The following RAB27A variants were observed in gnomAD, a reference collection of about 807,000 sequenced individuals.
RAB27A encodes the protein ras-related protein Rab-27A.
A neutral mutation model predicts 20.8 loss-of-function variants in RAB27A; 17 were observed. The ratio of observed to expected loss-of-function variants is 0.82; its 90% confidence interval spans 0.56 to 1.23. RAB27A has a LOEUF of 1.23. Ranked by LOEUF, RAB27A falls within the 50% of genes most tolerant of loss-of-function variation. The probability of loss-of-function intolerance (pLI) is 0.00; values close to 1 mark genes in which losing one functional copy is unlikely to be tolerated. For missense variants in RAB27A, 277 were observed against 266.7 expected (o/e 1.04, Z -0.27); for synonymous variants, 85 against 92.8 (o/e 0.92, Z 0.48).
chr15:55,214,401 A>C lies in RAB27A; in HGVS notation c.468-8696T>G, dbSNP rs187480610. ...CTGTGAGCCAAGATCACGCCACTGC[A>C]CTCCAGCCTGGGCGACAGAGCGAGA... is the stretch of plus-strand genomic sequence containing the variant. On this transcript the variant is annotated intron_variant, in intron 6 of 6. Coordinates refer to ENST00000336787, the MANE Select transcript of RAB27A (RefSeq NM_183235.3). 5.1e-3 allele frequency among the ~76,000 whole-genome samples: 771 copies of C among 152,254 alleles called. 2 individuals are homozygous for C. Among genetic ancestry groups the C allele is most frequent in the Non-Finnish European group, 6.7e-3 (458 of 68,008 alleles).
intron 2 of RAB27A, among the ~76,000 whole-genome samples, chr15:55,259,689 A>G (rs544718390): frequency 6.6e-6 from 1 of 152,356 alleles, no homozygotes; most frequent in African/African-American, 2.4e-5. Context: ...TTCAAGGTAT[A>G]TGTAGGGATC....
rs1477201629 is a variant in RAB27A at position 55,207,961 on chromosome 15, A to G, written c.468-2256T>C. On this transcript the variant is annotated intron_variant, in intron 6 of 6. Coordinates refer to ENST00000336787, the MANE Select transcript of RAB27A (RefSeq NM_183235.3). ...ATGAGCCACCACACCTGGCCAAAAA[A>G]CCTGAACTTTTAATTTTAACTTAAA... Among the ~76,000 whole-genome samples, 3 of 152,078 alleles carry G rather than the reference A, an allele frequency of 2.0e-5. No homozygotes were observed. In the East Asian group the frequency reaches 5.8e-4, roughly 29 times the overall value.
intron 2 of RAB27A, chr15:55,269,846 G>C (rs1290848361): frequency 6.6e-6 from 1 of 152,136 alleles, no homozygotes; most frequent in Non-Finnish European, 1.5e-5. Flanking sequence ...GGATAAGCAA[G>C]ACTCTCAGAA....
At chr15:55,228,570 G>A (rs756251011) in intron 5 of RAB27A, 39 bp downstream of exon 5, 1 of 1,411,648 alleles carries the variant, frequency 7.1e-7, no homozygotes. Flanking sequence ...AAATAAGAGG[G>A]GACTGTGTAG....
At chr15:55,251,329 T>A (rs138739959) in intron 2 of RAB27A, among the ~76,000 whole-genome samples, 55 of 152,222 alleles carry the variant, frequency 3.6e-4, no homozygotes, top group African/African-American at 1.3e-3. Context: ...ACAACCATCA[T>A]TGCGTCATTC....
At chr15:55,316,931 G>A (rs952438859) in intron 1 of RAB27A, among the ~76,000 whole-genome samples, 4 of 152,180 alleles carry the variant, frequency 2.6e-5, no homozygotes, top group African/African-American at 9.7e-5. Flanking sequence ...GGGTAACGGA[G>A]TGGATTTCTG....
At chr15:55,255,790 T>G (rs982965431) in intron 2 of RAB27A, among the ~76,000 whole-genome samples, 6 of 152,124 alleles carry the variant, frequency 3.9e-5, no homozygotes, top group African/African-American at 9.7e-5. Flanking sequence ...TGGAATGATG[T>G]ACTCATTTAC....
At chr15:55,277,909 T>C (rs1226154414) in intron 1 of RAB27A, among the ~76,000 whole-genome samples, 1 of 152,202 alleles carries the variant, frequency 6.6e-6, no homozygotes, top group Admixed American at 6.5e-5. Context: ...ATTGGGCAAG[T>C]TACTTCATCT....
intron 1 of RAB27A, among the ~76,000 whole-genome samples, chr15:55,276,178 G>T (rs1897869736): frequency 6.6e-6 from 1 of 152,136 alleles, no homozygotes; most frequent in Non-Finnish European, 1.5e-5. Context: ...GTTCACTGCA[G>T]CATTATTCAC....
chr15:55,309,148 A>G (rs566799811), intron 2 of RAB27A, among the ~76,000 whole-genome samples: 7 of 152,326 alleles, frequency 4.6e-5, no homozygotes, highest in South Asian at 4.1e-4. Flanking sequence ...AAGTTTCCTT[A>G]ATTAGTGTAT....
intron 1 of RAB27A, among the ~76,000 whole-genome samples, chr15:55,274,541 G>A: frequency 6.6e-6 from 1 of 151,750 alleles, no homozygotes; most frequent in Non-Finnish European, 1.5e-5. Flanking sequence ...ACTTTGGGAG[G>A]CCAAGGCGTG....
chr15:55,243,797 TC>T (rs1896584874), intron 2 of RAB27A, among the ~76,000 whole-genome samples: 1 of 152,190 alleles, frequency 6.6e-6, no homozygotes, highest in Non-Finnish European at 1.5e-5. Context: ...AATCTCTTAC[TC>T]TTGCCTACCT....
At chr15:55,214,246 C>G (rs1006723654) in intron 6 of RAB27A, among the ~76,000 whole-genome samples, 6 of 152,182 alleles carry the variant, frequency 3.9e-5, no homozygotes, top group Non-Finnish European at 8.8e-5. Flanking sequence ...ACCATCCTGG[C>G]TAACATGGTG....
At chr15:55,293,774 G>A (rs567292965), upstream of RAB27A, among the ~76,000 whole-genome samples, 176 of 152,076 alleles carry the variant, frequency 1.2e-3, no homozygotes, top group Non-Finnish European at 2.1e-3. Context: ...AAATTTAGCC[G>A]GGCGTGGTGG....
At chr15:55,208,483 A>C (rs28449712) in intron 6 of RAB27A, among the ~76,000 whole-genome samples, 40,700 of 152,048 alleles carry the variant, frequency 0.27, 7,076 homozygotes, top group African/African-American at 0.5. Context: ...CTAGATTCAT[A>C]TCATCCTTCT....
At chr15:55,290,109 A>T (rs190659676), upstream of RAB27A, 2 of 152,388 alleles carry the variant, frequency 1.3e-5, no homozygotes, top group Admixed American at 1.3e-4. Context: ...TACAAACTGC[A>T]CCAAGGACCG....
chr15:55,317,625 G>A (rs768157567), intron 1 of RAB27A: 81 of 397,866 alleles, frequency 2.0e-4, no homozygotes, highest in Middle Eastern at 6.3e-4. Context: ...ACTCCATGTA[G>A]TATTAACTTT....
chr15:55,285,031 G>C (rs1266720032), intron 1 of RAB27A, among the ~76,000 whole-genome samples: 2 of 152,144 alleles, frequency 1.3e-5, no homozygotes, highest in Non-Finnish European at 2.9e-5. Context: ...AGGGCTGCCA[G>C]ACACAAAACA....
intron 2 of RAB27A, among the ~76,000 whole-genome samples, chr15:55,311,778 G>A (rs560888297): frequency 6.6e-6 from 1 of 152,258 alleles, no homozygotes; most frequent in African/African-American, 2.4e-5. Flanking sequence ...GCATGTGAGA[G>A]TCCAGTTGGT....
Sources: gnomAD v4.1 joint callset for allele counts (sites outside exome capture counted in the v4.1 genomes callset) on GRCh38, gnomAD v4.1.1 for gene constraint, MANE v1.5 for transcripts, NCBI Gene and HGNC (gene_info 2026-07-23, HGNC 2026-07-21) for gene names.